EZH2: variants seen among roughly 807,000 people sequenced by gnomAD.
The protein encoded by EZH2 is histone-lysine N-methyltransferase EZH2.
A neutral mutation model predicts 98.4 loss-of-function variants in EZH2; 18 were observed. The ratio of observed to expected loss-of-function variants is 0.18; its 90% CI spans 0.13 to 0.27. EZH2 has a LOEUF of 0.27. Among genes scored for constraint, EZH2 ranks in the 10% least tolerant of loss-of-function variants. EZH2 has a pLI of 1.00. For missense variants in EZH2, 470 were observed against 935.1 expected (o/e 0.50, Z 6.49); for synonymous variants, 338 against 312.3 (o/e 1.08, Z -0.87).
At chr7:148,879,850 A>G (rs1287037995) in intron 1 of EZH2, among the ~76,000 whole-genome samples, 1 of 152,138 alleles carries the variant, frequency 6.6e-6, no homozygotes, top group Non-Finnish European at 1.5e-5. Context: ...TCAGCCTGTC[A>G]TCCCTGTACT....
chr7:148,813,632 A>T (rs1327511894), intron 15 of EZH2, among the ~76,000 whole-genome samples: 1 of 150,502 alleles, frequency 6.6e-6, no homozygotes, highest in Non-Finnish European at 1.5e-5. Context: ...AGGATACTAG[A>T]TAAACTATTA....
chr7:148,856,028 CTG>C (rs2129487319), intron 1 of EZH2, among the ~76,000 whole-genome samples: 1 of 150,064 alleles, frequency 6.7e-6, no homozygotes, highest in South Asian at 2.1e-4. Context: ...AAATGGTAAA[CTG>C]TATGCAAATA....
chr7:148,812,593 G>GT (rs1283646896), intron 15 of EZH2, among the ~76,000 whole-genome samples: 2 of 152,132 alleles, frequency 1.3e-5, no homozygotes, highest in Non-Finnish European at 2.9e-5. Context: ...TATCTACATA[G>GT]TTTAACATTT....
At chr7:148,850,404 T>A in intron 1 of EZH2, 1 of 724,914 alleles carries the variant, frequency 1.4e-6, no homozygotes. Flanking sequence ...ACTGTCCTTG[T>A]CTAATATTCT....
At chr7:148,851,978 T>TA (rs1038297963) in intron 1 of EZH2, among the ~76,000 whole-genome samples, 5 of 152,266 alleles carry the variant, frequency 3.3e-5, no homozygotes, top group African/African-American at 7.2e-5. Flanking sequence ...ATATGGTTTT[T>TA]AAATTTTTCA....
At chr7:148,842,033 T>C (rs987794106) in intron 3 of EZH2, among the ~76,000 whole-genome samples, 2 of 152,230 alleles carry the variant, frequency 1.3e-5, no homozygotes, top group African/African-American at 2.4e-5. Context: ...GATCCCCTTC[T>C]GATGCTGCTT....
chr7:148,817,237 G>C lies in EZH2; in HGVS notation c.1395C>G (p.Thr465=). 1 of 1,612,740 alleles carries C rather than the reference G, an allele frequency of 6.2e-7. No individual in the cohort carries two copies. The highest frequency in any genetic ancestry group is 8.5e-7 in the Non-Finnish European group (1 of 1,179,546). The change falls in exon 11 of 20, where the codon ACC becomes ACG. Residue 465 remains threonine (T), a synonymous_variant. Transcript: ENST00000320356. ...GATATCTTACCTGTCTACATGTTTTGGTCCCAATTAACCTAGCAATGGCAC... is the reference window on the plus strand; with the variant it reads ...GATATCTTACCTGTCTACATGTTTTCGTCCCAATTAACCTAGCAATGGCAC... ...NFCAIARLIG[T]KTCRQVYEFR... is the part of the protein sequence containing the mutation.
chr7:148,841,929 A>G (rs1812555147), intron 3 of EZH2, among the ~76,000 whole-genome samples: 1 of 152,214 alleles, frequency 6.6e-6, no homozygotes, highest in Non-Finnish European at 1.5e-5. Context: ...ATGCTAAGCA[A>G]TGAACTTAAA....
intron 1 of EZH2, among the ~76,000 whole-genome samples, chr7:148,855,321 TAAGAG>T (rs1243287989): frequency 6.6e-6 from 1 of 152,196 alleles, no homozygotes; most frequent in Admixed American, 6.5e-5. Flanking sequence ...ACTAAACTAA[TAAGAG>T]AAGAGTTAGT....
intron 1 of EZH2, among the ~76,000 whole-genome samples, chr7:148,878,647 C>A (rs888094780): frequency 6.6e-6 from 1 of 152,138 alleles, no homozygotes; most frequent in African/African-American, 2.4e-5. Flanking sequence ...ACCTATAATC[C>A]CAGCACTTTG....
At chr7:148,883,739 G>A (rs1821377584) in intron 1 of EZH2, among the ~76,000 whole-genome samples, 1 of 151,910 alleles carries the variant, frequency 6.6e-6, no homozygotes, top group South Asian at 2.1e-4. Context: ...CCACCAACTT[G>A]TGTCTGTCCC....
intron 3 of EZH2, chr7:148,836,992 G>A (rs2129480668): frequency 2.0e-6 from 1 of 497,954 alleles, no homozygotes; most frequent in Admixed American, 2.3e-5. Context: ...GGAAGAGCAG[G>A]TGAATGGCCT....
chr7:148,823,612 C>G (rs1193070268), intron 8 of EZH2, among the ~76,000 whole-genome samples: 6 of 149,728 alleles, frequency 4.0e-5, no homozygotes, highest in African/African-American at 1.5e-4. Context: ...GGATGGGGAA[C>G]AGAAAGTCAT....
At chr7:148,810,485 G>T in intron 16 of EZH2, 71 bp from the exon 17 acceptor site, 3 of 1,033,252 alleles carry the variant, frequency 2.9e-6, no homozygotes, top group Non-Finnish European at 4.5e-6. Flanking sequence ...ACACAAAAGC[G>T]CACAGAGTGA....
intron 1 of EZH2, among the ~76,000 whole-genome samples, chr7:148,876,517 A>C (rs1820191487): frequency 6.6e-6 from 1 of 152,210 alleles, no homozygotes; most frequent in Non-Finnish European, 1.5e-5. Context: ...CACCTATTAA[A>C]ACTAGAAATG....
intron 10 of EZH2, 99 bp from the exon 11 acceptor site, chr7:148,817,490 A>G (rs188047745): frequency 2.4e-6 from 3 of 1,236,920 alleles, no homozygotes; most frequent in East Asian, 2.5e-5. Flanking sequence ...AAAGATGAGG[A>G]CAACTCAAAT....
chr7:148,819,972 T>C (rs1264295476), intron 8 of EZH2, among the ~76,000 whole-genome samples: 1 of 152,232 alleles, frequency 6.6e-6, no homozygotes, highest in Non-Finnish European at 1.5e-5. Flanking sequence ...TAACTATGGT[T>C]ATAAACATTT....
intron 4 of EZH2, among the ~76,000 whole-genome samples, chr7:148,831,367 ATTTC>A (rs147496410): frequency 0.018 from 2,697 of 152,194 alleles, 82 homozygotes; most frequent in African/African-American, 0.062. Flanking sequence ...CTAGGGGTTG[ATTTC>A]TTTCTATCTA....
Position 148,810,390 on chromosome 7 carries a change from T to G in EZH2, c.1972A>C (p.Arg658=). 2.5e-6 allele frequency: 4 copies of G among 1,610,406 alleles called. No homozygotes were observed. The highest frequency in any genetic ancestry group is 3.4e-6 in the Non-Finnish European group (4 of 1,177,002). Residue 658 remains arginine, a synonymous_variant, in exon 17 of 20, where the codon AGA becomes CGA. Coordinates refer to ENST00000320356, the MANE Select transcript of EZH2 (RefSeq NM_004456.5). ...GEIISQDEAD[R]RGKVYDKYMC... is the part of the protein sequence containing the mutation. Reference sequence around the variant, plus strand: ...TATTTATCATACACTTTCCCTCTTCTGTCAGCTTCATCTTGAGAAATAATC... The same window carrying G: ...TATTTATCATACACTTTCCCTCTTCGGTCAGCTTCATCTTGAGAAATAATC...
Sources: allele counts gnomAD v4.1 joint callset (sites outside exome capture counted in the v4.1 genomes callset), GRCh38; gene constraint gnomAD v4.1.1; transcripts MANE v1.5; gene names NCBI Gene and HGNC (gene_info 2026-07-23, HGNC 2026-07-21).